The following TVP23C variants were observed in gnomAD, a reference collection of about 807,000 sequenced individuals.
The protein encoded by TVP23C is Golgi apparatus membrane protein TVP23 homolog C.
In TVP23C, 19 loss-of-function variants were observed where a neutral mutation model predicts 28.7. The ratio of observed to expected loss-of-function variants is 0.66; its 90% confidence interval spans 0.46 to 0.97. The LOEUF (loss-of-function observed/expected upper bound fraction) is 0.97, where lower values mean the gene tolerates loss of function less well. Ranked by LOEUF, TVP23C falls within the 50% of genes least tolerant of loss-of-function variation. The probability of loss-of-function intolerance (pLI) is 0.00; values close to 1 mark genes in which losing one functional copy is unlikely to be tolerated. For missense variants in TVP23C, 186 were observed against 241.3 expected, an observed-to-expected ratio of 0.77 and a Z score of 1.52; for synonymous variants, 68 against 81.7, an observed-to-expected ratio of 0.83 and a Z score of 0.90.
At chr17:15,505,233 T>C (rs1981670651) in intron 5 of TVP23C, among the ~76,000 whole-genome samples, 1 of 152,044 alleles carries the variant, frequency 6.6e-6, no homozygotes, top group Non-Finnish European at 1.5e-5. Flanking sequence ...GTTTAGAAAA[T>C]ATCCAGACTA....
At chr17:15,534,623 T>G (rs1353769998), downstream of TVP23C, among the ~76,000 whole-genome samples, 2 of 149,344 alleles carry the variant, frequency 1.3e-5, no homozygotes, top group African/African-American at 5.1e-5. Context: ...CCTTACCTAT[T>G]TAGAGGTCTG....
At chr17:15,552,202 T>C (rs1490088115) in intron 3 of TVP23C, among the ~76,000 whole-genome samples, 2 of 152,180 alleles carry the variant, frequency 1.3e-5, no homozygotes, top group Non-Finnish European at 2.9e-5. Flanking sequence ...GTATCAAAAC[T>C]GTGAGCAGTA....
intron 2 of TVP23C, 30 bp downstream of exon 2, chr17:15,555,252 T>G (rs762115776): frequency 6.2e-7 from 1 of 1,613,788 alleles, no homozygotes; most frequent in African/African-American, 1.3e-5. Context: ...CACTGGACAC[T>G]AACACAGCTC....
At chr17:15,558,988 T>A (rs1484178408) in intron 1 of TVP23C, among the ~76,000 whole-genome samples, 3 of 146,854 alleles carry the variant, frequency 2.0e-5, no homozygotes, top group African/African-American at 7.4e-5. Context: ...AGCCACCATA[T>A]CTAATATTTT....
Position 15,538,383 on chromosome 17 carries a change from G to A in TVP23C, c.*2029C>T. 1 of 831,188 alleles carries A rather than the reference G, an allele frequency of 1.2e-6. No individual in the cohort carries two copies. The highest frequency in any genetic ancestry group is 1.5e-6 in the Non-Finnish European group (1 of 689,460). The allele number at this position is 831,188 out of a possible 1,614,324, so 51.5% of individuals were successfully genotyped here. On this transcript the variant is annotated 3_prime_UTR_variant, in exon 6 of 6. Coordinates refer to ENST00000518321, the MANE Select transcript of TVP23C (RefSeq NM_001135036.2). ...AGGAGGGTGGATCATGAGGTCAGGA[G>A]ATCGAGACCCTCCTGGCTAACACAG...
intron 1 of TVP23C, chr17:15,563,214 CAAG>C: frequency 1.3e-6 from 1 of 744,740 alleles, no homozygotes; most frequent in South Asian, 2.2e-5. Context: ...CCCACAGCCG[CAAG>C]AAGTACTTGC....
intron 5 of TVP23C, among the ~76,000 whole-genome samples, chr17:15,525,663 T>C (rs151117211): frequency 0.051 from 7,807 of 151,830 alleles, 268 homozygotes; most frequent in Non-Finnish European, 0.072. Flanking sequence ...TAAATCTCTC[T>C]CCGTGTGTGT....
Position 15,538,667 on chromosome 17 carries a change from C to G in TVP23C, c.*1745G>C. 2 of 985,354 alleles carry G rather than the reference C, an allele frequency of 2.0e-6. No homozygotes were observed. The highest frequency in any genetic ancestry group is 2.4e-6 in the Non-Finnish European group (2 of 829,918). The allele number at this position is 985,354 out of a possible 1,614,324, so 61.0% of individuals were successfully genotyped here. A position where few individuals can be genotyped will look rare whatever the true frequency, so the allele number is the denominator to read the frequency against. On this transcript the variant is annotated 3_prime_UTR_variant, in exon 6 of 6. Coordinates refer to ENST00000518321, the MANE Select transcript of TVP23C (RefSeq NM_001135036.2). ...TGGATACCATCATCCACCCAGCTGT[C>G]CAGTTTGTCTCATTTGAGCAGACGC... is the stretch of plus-strand genomic sequence containing the variant.
intron 1 of TVP23C, among the ~76,000 whole-genome samples, chr17:15,556,010 G>A (rs1474775312): frequency 1.3e-5 from 2 of 152,152 alleles, no homozygotes; most frequent in Non-Finnish European, 2.9e-5. Context: ...TCCGCCTCCC[G>A]GGTTCAAACG....
Position 15,545,706 on chromosome 17 carries a change from C to T in TVP23C, c.462+79G>A, listed in dbSNP as rs1337965305. ...CAAGATAGGTCCCTAATGATAAGGA[C>T]TCAGTTGCAGTTGTTGCTTCCTATG... On this transcript the variant is annotated intron_variant, in intron 5 of 5. Transcript: ENST00000518321. The T allele has an allele frequency of 7.2e-6, 11 of 1,531,362 alleles. 1 individual carries two copies. Among genetic ancestry groups the T allele is most frequent in the Non-Finnish European group, 9.6e-6 (11 of 1,140,960 alleles). 94.9% of individuals were successfully genotyped at this position (1,531,362 alleles called of 1,614,324 possible).
intron 3 of TVP23C, among the ~76,000 whole-genome samples, chr17:15,548,799 G>T (rs1983759531): frequency 6.6e-6 from 1 of 152,124 alleles, no homozygotes; most frequent in South Asian, 2.1e-4. Flanking sequence ...CCTTATATAT[G>T]CTATATTTTT....
At chr17:15,528,840 T>G (rs1185491098) in intron 5 of TVP23C, among the ~76,000 whole-genome samples, 2 of 151,268 alleles carry the variant, frequency 1.3e-5, no homozygotes, top group Non-Finnish European at 2.9e-5. Flanking sequence ...TCAAGTGACC[T>G]GCCCGCCTCA....
Position 15,539,798 on chromosome 17 carries a change from C to A in TVP23C, c.*614G>T, listed in dbSNP as rs1353503105. On this transcript the variant is annotated 3_prime_UTR_variant, in exon 6 of 6. Coordinates refer to ENST00000518321, the MANE Select transcript of TVP23C (RefSeq NM_001135036.2). ...TGTGATTCAACTGTTCTCCCTAAAA[C>A]CATACAACATACAGGCTGGGCACGG... 1.0e-6 allele frequency: 1 copy of A among 983,876 alleles called. No homozygotes were observed. The highest frequency in any genetic ancestry group is 1.8e-5 in the African/African-American group (1 of 56,984). 60.9% of individuals were successfully genotyped at this position (983,876 alleles called of 1,614,324 possible).
In TVP23C at chr17:15,502,755, T is replaced by C. The variant is rs558480106; in HGVS notation, c.*109A>G. ...CTTTCTCTCTCCTCTCTCCCGTCTC[T>C]TTCTCTCCTTCTCCGTCACTCTCTT... On this transcript the variant is annotated 3_prime_UTR_variant, in exon 6 of 6. Transcript: ENST00000225576. 89 of 1,394,938 alleles carry C rather than the reference T, an allele frequency of 6.4e-5. No individual in the cohort carries two copies. In the East Asian group the frequency reaches 1.9e-3, roughly 30 times the overall value. The allele number at this position is 1,394,938 out of a possible 1,614,324, so 86.4% of individuals were successfully genotyped here. A position where few individuals can be genotyped will look rare whatever the true frequency, so the allele number is the denominator to read the frequency against.
At chr17:15,554,440 T>C (rs1984039629) in intron 2 of TVP23C, among the ~76,000 whole-genome samples, 1 of 152,068 alleles carries the variant, frequency 6.6e-6, no homozygotes, top group Non-Finnish European at 1.5e-5. Context: ...GGTTTCACCA[T>C]GTTAGCCAGG....
chr17:15,555,192 C>G, intron 2 of TVP23C, 90 bp downstream of exon 2: 1 of 1,558,604 alleles, frequency 6.4e-7, no homozygotes, highest in Non-Finnish European at 8.8e-7. Context: ...CACATTGAAA[C>G]AACTCTGCCT....
intron 5 of TVP23C, among the ~76,000 whole-genome samples, chr17:15,529,389 T>A (rs1597520767): frequency 6.6e-6 from 1 of 151,706 alleles, no homozygotes; most frequent in Non-Finnish European, 1.5e-5. Context: ...GAGCTGGGGG[T>A]CGCAGTGAGC....
chr17:15,525,021 G>A (rs1268012932), intron 5 of TVP23C, among the ~76,000 whole-genome samples: 2 of 152,234 alleles, frequency 1.3e-5, no homozygotes, highest in East Asian at 3.8e-4. Context: ...CTCCAGGAAT[G>A]AGGTGTCTCT....
At chr17:15,534,549 A>G (rs369659407), downstream of TVP23C, among the ~76,000 whole-genome samples, 7,537 of 148,540 alleles carry the variant, frequency 0.051, 143 homozygotes, top group Non-Finnish European at 0.07. Flanking sequence ...CATAGTACCT[A>G]TATGTTGGAG....
Sources: gnomAD v4.1 joint callset for allele counts (sites outside exome capture counted in the v4.1 genomes callset) on GRCh38, gnomAD v4.1.1 for gene constraint, MANE v1.5 for transcripts, NCBI Gene and HGNC (gene_info 2026-07-23, HGNC 2026-07-21) for gene names.